The following DNAJB14 variants were observed in gnomAD, a reference collection of about 807,000 sequenced individuals.
DNAJB14 encodes the protein DnaJ heat shock protein family (Hsp40) member B14, also known as dnaJ homolog subfamily B member 14.
A neutral mutation model predicts 48.4 loss-of-function variants in DNAJB14; 22 were observed. The observed-to-expected ratio is 0.45, with a 90% confidence interval of 0.32 to 0.65. The LOEUF is 0.65. DNAJB14 is among the 30% of genes least tolerant of loss of function. DNAJB14 has a pLI of 0.03. For synonymous variants in DNAJB14, 142 were observed against 158.7 expected, an observed-to-expected ratio of 0.89 and a Z score of 0.79; for missense variants, 319 against 458.8, an observed-to-expected ratio of 0.70 and a Z score of 2.78.
At chr4:99,930,810 G>A (rs1301544196) in intron 1 of DNAJB14, among the ~76,000 whole-genome samples, 189 bp from the exon 2 acceptor site, 2 of 152,144 alleles carry the variant, frequency 1.3e-5, no homozygotes, top group Non-Finnish European at 2.9e-5. Flanking sequence ...CCATCTAGAA[G>A]TAGAATGTTA....
At chr4:99,928,473 G>C in intron 2 of DNAJB14, 1 of 327,410 alleles carries the variant, frequency 3.1e-6, no homozygotes. Context: ...GGGCTTTGGA[G>C]AACCACACAC....
At chr4:99,933,333 G>C (rs536860857) in intron 1 of DNAJB14, among the ~76,000 whole-genome samples, 1 of 110,642 alleles carries the variant, frequency 9.0e-6, no homozygotes, top group South Asian at 3.0e-4. Flanking sequence ...TTTTGAGACT[G>C]AGCCAGGCTG....
intron 3 of DNAJB14, among the ~76,000 whole-genome samples, chr4:99,917,604 C>G (rs1022632381): frequency 6.6e-6 from 1 of 152,180 alleles, no homozygotes; most frequent in African/African-American, 2.4e-5. Flanking sequence ...TTTCAAGATT[C>G]TTTCCTTTAT....
At chr4:99,902,349 C>T (rs1375575632) in intron 7 of DNAJB14, among the ~76,000 whole-genome samples, 3 of 141,264 alleles carry the variant, frequency 2.1e-5, no homozygotes, top group Non-Finnish European at 4.6e-5. Flanking sequence ...TGATGACACA[C>T]AAAAGTATCT....
intron 3 of DNAJB14, among the ~76,000 whole-genome samples, chr4:99,918,150 G>A (rs969032204): frequency 6.6e-6 from 1 of 152,066 alleles, no homozygotes; most frequent in African/African-American, 2.4e-5. Flanking sequence ...CTGAGGCTAT[G>A]TCCTTTTTCA....
Position 99,923,126 on chromosome 4 carries a change from TC to T in DNAJB14, c.364del (p.Glu122LysfsTer3). ...CTTTCTATAAGCTTTTTTCAAATCTTCATCACCAGCATCTTTCGTAACTCCA... is the reference window on the plus strand; with the variant it reads ...CTTTCTATAAGCTTTTTTCAAATCTTATCACCAGCATCTTTCGTAACTCCA... ...VLGVTKDAGD[E>X]DLKKAYRKLA... On this transcript the variant is annotated frameshift_variant, in exon 3 of 8. Coordinates refer to ENST00000442697, the MANE Select transcript of DNAJB14 (RefSeq NM_001031723.4). LOFTEE classifies it high-confidence loss of function. 6.2e-7 allele frequency: 1 copy of T among 1,612,876 alleles called. No individual in the cohort carries two copies.
chr4:99,916,671 T>C (rs1725867508), intron 3 of DNAJB14, among the ~76,000 whole-genome samples: 1 of 152,172 alleles, frequency 6.6e-6, no homozygotes, highest in African/African-American at 2.4e-5. Context: ...TATATATCTT[T>C]GTATAACTTT....
chr4:99,924,618 G>T, intron 2 of DNAJB14: 1 of 1,000,402 alleles, frequency 1.0e-6, no homozygotes, highest in Non-Finnish European at 1.4e-6. Flanking sequence ...ACTATGCCCA[G>T]ACAGTGTTCT....
intron 3 of DNAJB14, among the ~76,000 whole-genome samples, chr4:99,911,553 T>C (rs956332074): frequency 3.0e-5 from 4 of 133,472 alleles, no homozygotes; most frequent in Non-Finnish European, 4.7e-5. Flanking sequence ...GCATTTGGTA[T>C]TGTCATTATT....
At chr4:99,942,921 T>C (rs1296271616) in intron 1 of DNAJB14, among the ~76,000 whole-genome samples, 3 of 152,180 alleles carry the variant, frequency 2.0e-5, no homozygotes, top group African/African-American at 7.2e-5. Flanking sequence ...GGTGGACTAG[T>C]ATAAGTGAAA....
chr4:99,942,387 T>C (rs1726918961), intron 1 of DNAJB14: 1 of 152,002 alleles, frequency 6.6e-6, no homozygotes, highest in South Asian at 2.1e-4. Flanking sequence ...ATGCAAAGCA[T>C]TAAAACAGAT....
intron 3 of DNAJB14, chr4:99,922,419 T>G (rs1278363627): frequency 6.6e-6 from 1 of 152,134 alleles, no homozygotes; most frequent in African/African-American, 2.4e-5. Flanking sequence ...ACAAATAAAT[T>G]GTATTTAACA....
In DNAJB14 at chr4:99,903,917, A is replaced by G. The variant is rs755548419; in HGVS notation, c.843-19T>C. ...AGTTCCACTGTAAAAGAGATGCATCATTATTTTAATTAAAATTGGACATTC... is the reference window on the plus strand; with the variant it reads ...AGTTCCACTGTAAAAGAGATGCATCGTTATTTTAATTAAAATTGGACATTC... On this transcript the variant is annotated intron_variant, in intron 6 of 7. Transcript: ENST00000442697. The G allele has an allele frequency of 4.4e-6, 7 of 1,598,650 alleles. No individual in the cohort carries two copies. The South Asian group carries it at 7.9e-5, about 18-fold the overall frequency.
intron 3 of DNAJB14, among the ~76,000 whole-genome samples, chr4:99,913,010 C>A (rs1413466809): frequency 2.0e-5 from 3 of 151,998 alleles, no homozygotes; most frequent in Non-Finnish European, 4.4e-5. Flanking sequence ...AATAGAAATG[C>A]AATTAATTTT....
intron 3 of DNAJB14, among the ~76,000 whole-genome samples, chr4:99,911,988 A>C (rs1280913664): frequency 2.0e-5 from 3 of 152,146 alleles, no homozygotes; most frequent in Non-Finnish European, 4.4e-5. Flanking sequence ...ATTGACTCCC[A>C]TTATTGTTGA....
chr4:99,912,483 T>C (rs1240438896), intron 3 of DNAJB14, among the ~76,000 whole-genome samples: 3 of 144,498 alleles, frequency 2.1e-5, no homozygotes, highest in Non-Finnish European at 4.6e-5. Context: ...ATGACTTGAC[T>C]TTTTTTTTTT....
At chr4:99,905,975 C>A in intron 5 of DNAJB14, 1 of 1,288,920 alleles carries the variant, frequency 7.8e-7, no homozygotes, top group South Asian at 1.6e-5. Context: ...TCTTTCCCGA[C>A]TCCCTCCCCC....
chr4:99,940,645 C>A (rs1023006789), intron 1 of DNAJB14, among the ~76,000 whole-genome samples: 1 of 151,802 alleles, frequency 6.6e-6, no homozygotes, highest in Admixed American at 6.6e-5. Context: ...AAATCCCCTT[C>A]CAACCCTCCC....
At chr4:99,923,228 A>G in intron 2 of DNAJB14, 43 bp from the exon 3 acceptor site, 1 of 1,535,488 alleles carries the variant, frequency 6.5e-7, no homozygotes, top group Non-Finnish European at 8.8e-7. Context: ...TTCAAGGAAG[A>G]CGGTCATGTA....
Sources: allele counts gnomAD v4.1 joint callset (sites outside exome capture counted in the v4.1 genomes callset), GRCh38; gene constraint gnomAD v4.1.1; transcripts MANE v1.5; gene names NCBI Gene and HGNC (gene_info 2026-07-23, HGNC 2026-07-21).